ITGB6: variants seen among roughly 807,000 people sequenced by gnomAD.
ITGB6 encodes the protein integrin beta-6.
A neutral mutation model predicts 84.5 loss-of-function variants in ITGB6; 80 were observed. The observed-to-expected ratio is 0.95, with a 90% confidence interval of 0.79 to 1.14. The LOEUF is 1.14. Among genes scored for constraint, ITGB6 ranks in the 50% most tolerant of loss-of-function variants. ITGB6 has a pLI of 0.00. For synonymous variants in ITGB6, 383 were observed against 354.9 expected (o/e 1.08, Z -0.89); for missense variants, 1,006 against 968.0 (o/e 1.04, Z -0.52).
At chr2:160,120,995 G>A (rs1683012487) in intron 12 of ITGB6, among the ~76,000 whole-genome samples, 2 of 150,390 alleles carry the variant, frequency 1.3e-5, no homozygotes, top group Non-Finnish European at 3.0e-5. Flanking sequence ...CACCAACATG[G>A]CACATGTATA....
Position 160,112,149 on chromosome 2 carries a change from A to T in ITGB6, c.2032T>A (p.Cys678Ser). 6.2e-7 allele frequency: 1 copy of T among 1,611,350 alleles called. No homozygotes were observed. The highest frequency in any genetic ancestry group is 8.5e-7 in the Non-Finnish European group (1 of 1,177,730). Residue 678 changes from cysteine (C) to serine (S), a missense_variant, in exon 13 of 15, where the codon TGT (cysteine) becomes AGT (serine). By Grantham distance (112) the Cys-to-Ser change is moderately radical. Transcript: ENST00000283249. Reference sequence around the variant, plus strand: ...GTAGTTATTAGGAATGTAATAAGACATTCATTTTCTCCTTGCAGAGAGCAG... The same window carrying T: ...GTAGTTATTAGGAATGTAATAAGACTTTCATTTTCTCCTTGCAGAGAGCAG... ...VSCSLQGENECLITFLITTDN... is the reference protein window; with the variant it reads ...VSCSLQGENESLITFLITTDN...
intron 10 of ITGB6, among the ~76,000 whole-genome samples, chr2:160,134,335 C>G (rs1001947119): frequency 6.6e-6 from 1 of 152,190 alleles, no homozygotes; most frequent in African/African-American, 2.4e-5. Context: ...GACACATACA[C>G]TCTCCCAAGA....
intron 4 of ITGB6, among the ~76,000 whole-genome samples, chr2:160,178,139 T>C (rs913341554): frequency 2.0e-5 from 3 of 152,232 alleles, no homozygotes; most frequent in African/African-American, 4.8e-5. Context: ...CATCCCAAAG[T>C]GCTGCGAGTA....
At chr2:160,104,949 G>C (rs1288366942) in intron 14 of ITGB6, among the ~76,000 whole-genome samples, 1 of 146,576 alleles carries the variant, frequency 6.8e-6, no homozygotes, top group African/African-American at 2.4e-5. Context: ...AGGCCTGACT[G>C]TCCCTATTGT....
Position 160,163,571 on chromosome 2 carries a change from G to A in ITGB6, c.1017+5641C>T, listed in dbSNP as rs147112761. On this transcript the variant is annotated intron_variant, in intron 7 of 14. Coordinates refer to ENST00000283249, the MANE Select transcript of ITGB6 (RefSeq NM_000888.5). ...CTCTTGAATCCAGGAGGCGAAGGTT[G>A]CAGTGAGCTGAGATTGTGCCACTGC... Among the ~76,000 whole-genome samples the A allele has an allele frequency of 6.6e-3, 995 of 151,810 alleles. 8 individuals carry two copies. Among genetic ancestry groups the A allele is most frequent in the African/African-American group, 0.022 (913 of 41,348 alleles).
intron 10 of ITGB6, among the ~76,000 whole-genome samples, chr2:160,129,651 A>G (rs1302133130): frequency 1.3e-5 from 2 of 152,196 alleles, no homozygotes; most frequent in Admixed American, 1.3e-4. Context: ...GTAGAAAAAA[A>G]TCACAAGTGA....
At chr2:160,147,412 T>G (rs973229399) in intron 7 of ITGB6, among the ~76,000 whole-genome samples, 5 of 152,186 alleles carry the variant, frequency 3.3e-5, no homozygotes, top group Non-Finnish European at 2.9e-5. Flanking sequence ...AATTAATAAT[T>G]TCATTTATAG....
chr2:160,124,289 G>T (rs1683151583), intron 11 of ITGB6, among the ~76,000 whole-genome samples: 1 of 152,182 alleles, frequency 6.6e-6, no homozygotes, highest in African/African-American at 2.4e-5. Flanking sequence ...GACAGAAATG[G>T]TCTATACCTT....
chr2:160,147,657 CCAGAA>C (rs1684250656), intron 7 of ITGB6, among the ~76,000 whole-genome samples: 1 of 151,950 alleles, frequency 6.6e-6, no homozygotes, highest in Admixed American at 6.6e-5. Context: ...AATAGAGAGC[CCAGAA>C]ATAGACCTAC....
chr2:160,135,108 T>C (rs1683648136), intron 10 of ITGB6, among the ~76,000 whole-genome samples: 1 of 151,200 alleles, frequency 6.6e-6, no homozygotes, highest in African/African-American at 2.4e-5. Context: ...AAAGAGGAAG[T>C]CAAATTGTCC....
chr2:160,121,008 T>G (rs897871998), intron 12 of ITGB6, among the ~76,000 whole-genome samples: 14 of 151,028 alleles, frequency 9.3e-5, no homozygotes, highest in Non-Finnish European at 1.5e-4. Flanking sequence ...CATGTATACA[T>G]ATGTAACAAA....
intron 14 of ITGB6, among the ~76,000 whole-genome samples, chr2:160,104,817 A>C (rs989844513): frequency 6.6e-6 from 1 of 152,212 alleles, no homozygotes; most frequent in African/African-American, 2.4e-5. Flanking sequence ...TATTTTTTAA[A>C]GCATAATAAA....
intron 6 of ITGB6, 143 bp downstream of exon 6, chr2:160,172,426 G>T: frequency 1.3e-6 from 1 of 741,376 alleles, no homozygotes; most frequent in Non-Finnish European, 2.1e-6. Flanking sequence ...GGTGAGAATC[G>T]AGCTGGGGCA....
intron 4 of ITGB6, among the ~76,000 whole-genome samples, chr2:160,185,431 A>G (rs555674790): frequency 1.3e-5 from 2 of 152,222 alleles, no homozygotes; most frequent in Non-Finnish European, 2.9e-5. Flanking sequence ...GATGTGAAGG[A>G]CCTCTTCAAG....
At chr2:160,109,356 G>T (rs776853575) in intron 13 of ITGB6, among the ~76,000 whole-genome samples, 1 of 152,140 alleles carries the variant, frequency 6.6e-6, no homozygotes, top group African/African-American at 2.4e-5. Context: ...CAAATAAAGC[G>T]GCAGGCCTGT....
At chr2:160,177,000 G>C (rs556418348) in intron 4 of ITGB6, among the ~76,000 whole-genome samples, 1 of 151,866 alleles carries the variant, frequency 6.6e-6, no homozygotes, top group African/African-American at 2.4e-5. Context: ...ATTGTGAATT[G>C]CTGGGTTATC....
chr2:160,131,617 T>G (rs929250819), intron 10 of ITGB6, among the ~76,000 whole-genome samples: 1 of 152,206 alleles, frequency 6.6e-6, no homozygotes, highest in African/African-American at 2.4e-5. Context: ...GCATTTACTT[T>G]CATTATACCA....
At chr2:160,181,510 C>T (rs1034585905) in intron 4 of ITGB6, among the ~76,000 whole-genome samples, 4 of 152,304 alleles carry the variant, frequency 2.6e-5, no homozygotes, top group Admixed American at 1.3e-4. Context: ...AGATGAAACT[C>T]CCATCTCCCT....
At chr2:160,121,002 T>C (rs1390052282) in intron 12 of ITGB6, among the ~76,000 whole-genome samples, 1 of 151,026 alleles carries the variant, frequency 6.6e-6, no homozygotes, top group Non-Finnish European at 1.5e-5. Context: ...ATGGCACATG[T>C]ATACATATGT....
Sources: allele counts gnomAD v4.1 joint callset (sites outside exome capture counted in the v4.1 genomes callset), GRCh38; gene constraint gnomAD v4.1.1; transcripts MANE v1.5; gene names NCBI Gene and HGNC (gene_info 2026-07-23, HGNC 2026-07-21).